CDC27: variants seen among roughly 807,000 people sequenced by gnomAD.
CDC27 encodes the protein cell division cycle 27.
Under a neutral mutation model 109.7 loss-of-function variants are expected in CDC27, and 27 were observed. The observed-to-expected ratio is 0.25, with a 90% CI of 0.18 to 0.34. The LOEUF (loss-of-function observed/expected upper bound fraction) is 0.34. Among genes scored for constraint, CDC27 ranks in the 10% least tolerant of loss-of-function variants. The probability of loss-of-function intolerance (pLI) is 1.00; values close to 1 mark genes in which losing one functional copy is unlikely to be tolerated. For synonymous variants in CDC27, 266 were observed against 333.9 expected, an observed-to-expected ratio of 0.80 and a Z score of 2.22; for missense variants, 579 against 960.2, an observed-to-expected ratio of 0.60 and a Z score of 5.25.
At chr17:47,130,916 G>T (rs2062309033) in intron 15 of CDC27, among the ~76,000 whole-genome samples, 1 of 151,752 alleles carries the variant, frequency 6.6e-6, no homozygotes, top group Admixed American at 6.6e-5. Flanking sequence ...TGGGGTGAAT[G>T]AATGTATGAA....
chr17:47,169,022 C>T (rs1274621197), intron 4 of CDC27, among the ~76,000 whole-genome samples: 1 of 145,086 alleles, frequency 6.9e-6, no homozygotes, highest in African/African-American at 2.6e-5. Flanking sequence ...AACAGGGTCT[C>T]GCTCTGTTAC....
At chr17:47,173,187 T>C (rs1874664065) in intron 2 of CDC27, among the ~76,000 whole-genome samples, 1 of 152,212 alleles carries the variant, frequency 6.6e-6, no homozygotes, top group Admixed American at 6.5e-5. Context: ...AAAAGTAATT[T>C]GAAATTTTAT....
At chr17:47,145,028 G>T (rs2062913572) in intron 9 of CDC27, among the ~76,000 whole-genome samples, 1 of 152,096 alleles carries the variant, frequency 6.6e-6, no homozygotes, top group African/African-American at 2.4e-5. Flanking sequence ...AAAGTACTAT[G>T]CCATTCTAAT....
At chr17:47,164,081 C>T (rs1474970012) in intron 4 of CDC27, among the ~76,000 whole-genome samples, 4 of 152,144 alleles carry the variant, frequency 2.6e-5, no homozygotes, top group Admixed American at 2.6e-4. Context: ...GATTATAATG[C>T]CATATTTCTA....
intron 3 of CDC27, 107 bp from the exon 4 acceptor site, chr17:47,170,149 T>TTC (rs367705594): frequency 3.9e-6 from 3 of 775,972 alleles, no homozygotes; most frequent in East Asian, 3.0e-5. Context: ...CACAAATTTT[T>TTC]TCTCTCTCTC....
chr17:47,175,334 A>C (rs2063967461), intron 2 of CDC27, among the ~76,000 whole-genome samples: 1 of 152,204 alleles, frequency 6.6e-6, no homozygotes, highest in African/African-American at 2.4e-5. Flanking sequence ...AAAATGGACC[A>C]ATTTTGACAA....
intron 2 of CDC27, among the ~76,000 whole-genome samples, chr17:47,178,510 G>C (rs2064100873): frequency 6.7e-6 from 1 of 149,380 alleles, no homozygotes; most frequent in Admixed American, 6.8e-5. Context: ...ACTCCAACCT[G>C]GGTGACAGGC....
intron 2 of CDC27, among the ~76,000 whole-genome samples, chr17:47,173,373 CAA>C (rs541273451): frequency 3.5e-5 from 4 of 115,940 alleles, no homozygotes; most frequent in Non-Finnish European, 5.7e-5. Flanking sequence ...GCTGCAGCTA[CAA>C]AAAAAAAAAA....
At chr17:47,172,461 T>C (rs1363702871) in intron 2 of CDC27, among the ~76,000 whole-genome samples, 1 of 152,202 alleles carries the variant, frequency 6.6e-6, no homozygotes, top group East Asian at 1.9e-4. Context: ...AAGAGAAACC[T>C]GAGTGTAAAT....
chr17:47,161,974 C>T (rs1311091750), intron 4 of CDC27: 2 of 152,196 alleles, frequency 1.3e-5, no homozygotes, highest in Non-Finnish European at 2.9e-5. Flanking sequence ...TTCAACCTTA[C>T]CTTTCCTTTG....
intron 14 of CDC27, among the ~76,000 whole-genome samples, chr17:47,133,205 C>T (rs567053197): frequency 5.4e-5 from 8 of 147,436 alleles, no homozygotes; most frequent in Admixed American, 3.4e-4. Flanking sequence ...ATGGTGCAAT[C>T]TCGGCTCACC....
Position 47,180,945 on chromosome 17 carries a change from T to TCAAAAAAAAA in CDC27, c.103+616_103+617insTTTTTTTTTG, listed in dbSNP as rs1555560988. Among the ~76,000 whole-genome samples the TCAAAAAAAAA allele has an allele frequency of 1.3e-4, 15 of 111,672 alleles. 1 individual carries two copies. The highest frequency in any genetic ancestry group is 2.4e-4 in the African/African-American group (7 of 28,910). The allele number at this position is 111,672 out of a possible 152,430, so 73.3% of individuals were successfully genotyped here. On this transcript the variant is annotated intron_variant, in intron 2 of 18. Transcript: ENST00000066544. ...CACCATAGAATACAGACTCTTTTCT[T>TCAAAAAAAAA]AAAAAAAAAAAAAAAAAAAAAAAAT...
chr17:47,162,694 GA>G (rs748549039), intron 4 of CDC27, among the ~76,000 whole-genome samples: 19 of 152,124 alleles, frequency 1.2e-4, no homozygotes, highest in Non-Finnish European at 2.6e-4. Context: ...CCTTTGTGCT[GA>G]AAAGTCTCAT....
intron 4 of CDC27, chr17:47,160,023 A>G (rs1225590705): frequency 4.4e-6 from 1 of 228,656 alleles, no homozygotes; most frequent in Non-Finnish European, 8.6e-6. Context: ...TTTCAAACAA[A>G]CTAGAGGTGG....
At position 47,142,199 on chromosome 17, in the gene CDC27, C is replaced by T. The variant is rs553984532; in HGVS notation, c.1378+30G>A. On this transcript the variant is annotated intron_variant, in intron 11 of 18. Coordinates refer to ENST00000066544, the MANE Select transcript of CDC27 (RefSeq NM_001256.6). ...CTTAAAATAAGTACATAATAAAATACAAAGATAATATTAAGCATTTAAAAC... is the reference window on the plus strand; with the variant it reads ...CTTAAAATAAGTACATAATAAAATATAAAGATAATATTAAGCATTTAAAAC... The T allele has an allele frequency of 2.7e-5, 36 of 1,329,644 alleles. No individual in the cohort carries two copies. In the South Asian group the frequency reaches 4.6e-4, roughly 17 times the overall value. The allele number at this position is 1,329,644 out of a possible 1,614,324, so 82.4% of individuals were successfully genotyped here.
intron 11 of CDC27, 82 bp from the exon 12 acceptor site, chr17:47,142,107 T>A: frequency 8.3e-7 from 1 of 1,210,412 alleles, no homozygotes; most frequent in Non-Finnish European, 1.2e-6. Context: ...TACAAACTAA[T>A]CTATTAAAAA....
Position 47,177,271 on chromosome 17 carries a change from A to G in CDC27, c.103+4291T>C, listed in dbSNP as rs74912710. Among the ~76,000 whole-genome samples the G allele has an allele frequency of 1.4e-3, 214 of 152,266 alleles. 5 individuals carry two copies. The East Asian group carries it at 0.024, about 17-fold the overall frequency. ...TCTTGACTTAAAAAAAAATGTTTAAAAAGTACTAATATTAAAAAATAAAGA... is the reference window on the plus strand; with the variant it reads ...TCTTGACTTAAAAAAAAATGTTTAAGAAGTACTAATATTAAAAAATAAAGA... On this transcript the variant is annotated intron_variant, in intron 2 of 18. Transcript: ENST00000066544.
In CDC27 at chr17:47,120,793, G is replaced by A. The variant is rs1241419589; in HGVS notation, c.*142C>T. 4 of 627,450 alleles carry A rather than the reference G, an allele frequency of 6.4e-6. No homozygotes were observed. Among genetic ancestry groups the A allele is most frequent in the Non-Finnish European group, 1.2e-5 (4 of 345,700 alleles). 38.9% of individuals were successfully genotyped at this position (627,450 alleles called of 1,614,324 possible). A position where few individuals can be genotyped will look rare whatever the true frequency, so the allele number is the denominator to read the frequency against. On this transcript the variant is annotated 3_prime_UTR_variant, in exon 19 of 19. Coordinates refer to ENST00000066544, the MANE Select transcript of CDC27 (RefSeq NM_001256.6). ...GCCTTTCATTCTGTATACAGTCAGGGTCCAATGAAAGTGGCACACTCATGG... is the reference window on the plus strand; with the variant it reads ...GCCTTTCATTCTGTATACAGTCAGGATCCAATGAAAGTGGCACACTCATGG...
At chr17:47,130,454 G>A (rs538874201) in intron 15 of CDC27, among the ~76,000 whole-genome samples, 5 of 152,268 alleles carry the variant, frequency 3.3e-5, no homozygotes. Flanking sequence ...ATACTGGGAA[G>A]CAAATAACTT....
Sources: gnomAD v4.1 joint callset for allele counts (sites outside exome capture counted in the v4.1 genomes callset) on GRCh38, gnomAD v4.1.1 for gene constraint, MANE v1.5 for transcripts, NCBI Gene and HGNC (gene_info 2026-07-23, HGNC 2026-07-21) for gene names.